EIF2AK2: variants seen among roughly 807,000 people sequenced by gnomAD.
The protein encoded by EIF2AK2 is eukaryotic translation initiation factor 2 alpha kinase 2, also known as interferon-induced, double-stranded RNA-activated protein kinase.
A neutral mutation model predicts 70.5 loss-of-function variants in EIF2AK2; 40 were observed. The ratio of observed to expected loss-of-function variants is 0.57; its 90% CI spans 0.44 to 0.74. EIF2AK2 has a LOEUF of 0.74. Ranked by LOEUF, EIF2AK2 falls within the 30% of genes least tolerant of loss-of-function variation. The pLI is 0.00. For synonymous variants in EIF2AK2, 198 were observed against 220.9 expected, an observed-to-expected ratio of 0.90 and a Z score of 0.92; for missense variants, 555 against 644.3, an observed-to-expected ratio of 0.86 and a Z score of 1.50.
rs1351718717 is a variant in EIF2AK2 at position 37,145,182 on chromosome 2, G to A, written c.240+1671C>T. Among the ~76,000 whole-genome samples the A allele has an allele frequency of 6.0e-5, 8 of 134,068 alleles. No homozygotes were observed. The South Asian group carries it at 1.4e-3, about 23-fold the overall frequency. The allele number at this position is 134,068 out of a possible 152,430, so 88.0% of individuals were successfully genotyped here. Reference sequence around the variant, plus strand: ...TTTTGAGACAGAGTCTTGCCTTGTCGCCCAGGCTGGAATGTAGTGGCACGA... The same window carrying A: ...TTTTGAGACAGAGTCTTGCCTTGTCACCCAGGCTGGAATGTAGTGGCACGA... On this transcript the variant is annotated intron_variant, in intron 4 of 16. Transcript: ENST00000233057.
chr2:37,140,546 T>C (rs1353578798), intron 5 of EIF2AK2, among the ~76,000 whole-genome samples: 2 of 152,066 alleles, frequency 1.3e-5, no homozygotes, highest in South Asian at 2.1e-4. Flanking sequence ...CTGAATTAAA[T>C]AGCTGGGTTG....
intron 2 of EIF2AK2, among the ~76,000 whole-genome samples, chr2:37,148,056 G>A (rs1675616554): frequency 6.6e-6 from 1 of 152,168 alleles, no homozygotes; most frequent in Non-Finnish European, 1.5e-5. Flanking sequence ...TTGGCCAGGT[G>A]TGGTGGCTCA....
chr2:37,144,753 T>A (rs1442777959), intron 4 of EIF2AK2, among the ~76,000 whole-genome samples: 1 of 152,114 alleles, frequency 6.6e-6, no homozygotes, highest in African/African-American at 2.4e-5. Context: ...GCTAATGTTT[T>A]GTGTTTTTAG....
intron 15 of EIF2AK2, among the ~76,000 whole-genome samples, chr2:37,108,146 CAAAA>C (rs569711940): frequency 1.7e-5 from 2 of 117,086 alleles, no homozygotes; most frequent in African/African-American, 3.1e-5. Context: ...AACTCTATCT[CAAAA>C]AAAAAAAAAA....
At chr2:37,152,584 C>T (rs1675784620) in intron 1 of EIF2AK2, among the ~76,000 whole-genome samples, 1 of 152,154 alleles carries the variant, frequency 6.6e-6, no homozygotes, top group Admixed American at 6.5e-5. Context: ...CCTGGCCGGG[C>T]CACTCTTTTT....
intron 6 of EIF2AK2, among the ~76,000 whole-genome samples, chr2:37,138,962 AT>A (rs536992086): frequency 2.0e-3 from 277 of 140,692 alleles, no homozygotes; most frequent in Middle Eastern, 3.6e-3. Flanking sequence ...CACCCGTCTA[AT>A]TTTTTTTTTT....
intron 12 of EIF2AK2, 51 bp downstream of exon 12, chr2:37,122,455 T>G (rs1163615262): frequency 6.3e-7 from 1 of 1,588,832 alleles, no homozygotes; most frequent in African/African-American, 1.4e-5. Context: ...ACATAGTAAA[T>G]AACAATTTCC....
chr2:37,148,591 T>C (rs1675638123), intron 2 of EIF2AK2: 4 of 820,724 alleles, frequency 4.9e-6, no homozygotes, highest in East Asian at 2.6e-5. Context: ...AAACCTACTA[T>C]ACTTGTCACA....
intron 1 of EIF2AK2, among the ~76,000 whole-genome samples, chr2:37,153,056 T>C (rs931827134): frequency 6.6e-6 from 1 of 152,220 alleles, no homozygotes; most frequent in African/African-American, 2.4e-5. Flanking sequence ...ATTCCTGGAT[T>C]GCTGTGAGAA....
intron 1 of EIF2AK2, among the ~76,000 whole-genome samples, chr2:37,152,641 A>C (rs1159700906): frequency 6.6e-6 from 1 of 151,982 alleles, no homozygotes; most frequent in East Asian, 1.9e-4. Flanking sequence ...TGGCCCAACA[A>C]TCCTCTTCTC....
chr2:37,145,650 C>A (rs549112122), intron 4 of EIF2AK2, among the ~76,000 whole-genome samples: 1 of 151,670 alleles, frequency 6.6e-6, no homozygotes, highest in Non-Finnish European at 1.5e-5. Flanking sequence ...ATTCATTCAC[C>A]ACCCACTTGC....
chr2:37,105,203 T>C lies in EIF2AK2; in HGVS notation c.*2070A>G, dbSNP rs4648249. 16 of 152,252 alleles carry C rather than the reference T, an allele frequency of 1.1e-4. No individual in the cohort carries two copies. Among genetic ancestry groups the C allele is most frequent in the Non-Finnish European group, 1.9e-4 (13 of 68,050 alleles). 9.4% of individuals were successfully genotyped at this position (152,252 alleles called of 1,614,324 possible). A position where few individuals can be genotyped will look rare whatever the true frequency, so the allele number is the denominator to read the frequency against. On this transcript the variant is annotated 3_prime_UTR_variant, in exon 17 of 17. Transcript: ENST00000233057. ...AAATCATATGGCAGTTTTAGAATGG[T>C]AGCTGGTTGCTGCTATAGTTTGCAT...
chr2:37,150,487 A>T (rs1675704294), intron 1 of EIF2AK2, among the ~76,000 whole-genome samples: 1 of 152,118 alleles, frequency 6.6e-6, no homozygotes, highest in African/African-American at 2.4e-5. Flanking sequence ...TTTTAGCAGA[A>T]TTTTAAAGGT....
At chr2:37,120,225 A>C (rs1674489110) in intron 12 of EIF2AK2, 86 bp from the exon 13 acceptor site, 2 of 939,182 alleles carry the variant, frequency 2.1e-6, no homozygotes. Flanking sequence ...AGTTTTTCAT[A>C]ACTTTTTAAA....
At chr2:37,143,196 C>G (rs1356061945) in intron 4 of EIF2AK2, among the ~76,000 whole-genome samples, 1 of 147,646 alleles carries the variant, frequency 6.8e-6, no homozygotes, top group Non-Finnish European at 1.5e-5. Context: ...GCACTCCAGC[C>G]TGGACAACAG....
intron 4 of EIF2AK2, among the ~76,000 whole-genome samples, chr2:37,143,429 C>T (rs981746594): frequency 1.3e-5 from 2 of 152,100 alleles, no homozygotes; most frequent in Admixed American, 1.3e-4. Context: ...TCTCCATTAC[C>T]TGCTCTCTGT....
intron 4 of EIF2AK2, among the ~76,000 whole-genome samples, chr2:37,146,356 T>A (rs1246114616): frequency 1.3e-5 from 2 of 152,210 alleles, no homozygotes; most frequent in African/African-American, 4.8e-5. Flanking sequence ...AAGATGTAAA[T>A]AGGTTATATG....
At chr2:37,122,749 T>A in intron 11 of EIF2AK2, 85 bp from the exon 12 acceptor site, 1 of 1,521,212 alleles carries the variant, frequency 6.6e-7, no homozygotes, top group Non-Finnish European at 9.0e-7. Flanking sequence ...TAGACAACTG[T>A]CTACATTCCC....
chr2:37,133,530 C>T (rs13425169), intron 10 of EIF2AK2, among the ~76,000 whole-genome samples: 3,437 of 152,230 alleles, frequency 0.023, 64 homozygotes, highest in Non-Finnish European at 0.033. Flanking sequence ...CTCACTACAC[C>T]CACAGCAGCA....
Sources: allele counts gnomAD v4.1 joint callset (sites outside exome capture counted in the v4.1 genomes callset), GRCh38; gene constraint gnomAD v4.1.1; transcripts MANE v1.5; gene names NCBI Gene and HGNC (gene_info 2026-07-23, HGNC 2026-07-21).